The following TRABD2B variants were observed in gnomAD, a reference collection of about 807,000 sequenced individuals.
TRABD2B encodes the protein metalloprotease TIKI2.
A neutral mutation model predicts 40.1 loss-of-function variants in TRABD2B; 14 were observed. The observed-to-expected ratio is 0.35, with a 90% CI of 0.23 to 0.55. TRABD2B has a LOEUF of 0.55. Ranked by LOEUF, TRABD2B falls within the 20% of genes least tolerant of loss-of-function variation. TRABD2B has a pLI of 0.90. For missense variants in TRABD2B, 541 were observed against 648.6 expected, an observed-to-expected ratio of 0.83 and a Z score of 1.80; for synonymous variants, 263 against 277.0, an observed-to-expected ratio of 0.95 and a Z score of 0.50.
chr1:47,865,106 A>T (rs1387512787), intron 2 of TRABD2B, among the ~76,000 whole-genome samples: 1 of 152,150 alleles, frequency 6.6e-6, no homozygotes, highest in East Asian at 1.9e-4. Context: ...AGGAGGTTAC[A>T]AGTGGGTCCT....
At chr1:47,767,249 C>T (rs1414293355) in intron 6 of TRABD2B, among the ~76,000 whole-genome samples, 1 of 152,118 alleles carries the variant, frequency 6.6e-6, no homozygotes, top group African/African-American at 2.4e-5. Flanking sequence ...AGGCAGGAGG[C>T]AGACAGAGAT....
rs556630235 is a variant in TRABD2B, at chr1:47,831,078, G to A, written c.667-29459C>T. 6.7e-4 allele frequency among the ~76,000 whole-genome samples: 46 copies of A among 68,684 alleles called. No homozygotes were observed. In the South Asian group the frequency reaches 0.021, roughly 32 times the overall value. 45.1% of individuals were successfully genotyped at this position (68,684 alleles called of 152,430 possible). ...CCCTGATTCTGTCCTTGGTTGCCAC[G>A]TGTCCTCACCTTTGAAGAGTATAGG... On this transcript the variant is annotated intron_variant, in intron 2 of 6. Transcript: ENST00000606738.
At chr1:47,766,154 C>T (rs1309567919) in intron 6 of TRABD2B, 48 bp from the exon 7 acceptor site, 1 of 699,586 alleles carries the variant, frequency 1.4e-6, no homozygotes, top group Non-Finnish European at 2.6e-6. Context: ...CAGCCTCGTC[C>T]TGGGCAGAAG....
intron 2 of TRABD2B, among the ~76,000 whole-genome samples, chr1:47,850,201 G>A (rs1645529110): frequency 6.6e-6 from 1 of 152,228 alleles, no homozygotes; most frequent in Non-Finnish European, 1.5e-5. Flanking sequence ...CTTCTCACAG[G>A]AGCTGGCCCA....
chr1:47,970,904 A>T (rs1199656309), intron 2 of TRABD2B, among the ~76,000 whole-genome samples: 1 of 152,188 alleles, frequency 6.6e-6, no homozygotes, highest in East Asian at 1.9e-4. Flanking sequence ...CTCACTGGCC[A>T]AAGCAAGTGA....
At chr1:47,912,923 A>G (rs1644781943) in intron 2 of TRABD2B, among the ~76,000 whole-genome samples, 1 of 152,156 alleles carries the variant, frequency 6.6e-6, no homozygotes, top group African/African-American at 2.4e-5. Context: ...AGTTCTAGGA[A>G]GCAGCACAGG....
At chr1:47,989,130 C>T (rs552290281) in intron 2 of TRABD2B, among the ~76,000 whole-genome samples, 68 of 152,280 alleles carry the variant, frequency 4.5e-4, no homozygotes, top group African/African-American at 1.6e-3. Flanking sequence ...ACACAAAATC[C>T]GCTGGTACCT....
intron 2 of TRABD2B, among the ~76,000 whole-genome samples, chr1:47,987,855 G>A (rs1458395221): frequency 1.3e-5 from 2 of 152,274 alleles, no homozygotes; most frequent in Admixed American, 6.5e-5. Context: ...GGTGAAGGTC[G>A]CGCCAGAAGA....
chr1:47,991,033 A>C (rs558158921), intron 2 of TRABD2B, among the ~76,000 whole-genome samples: 1 of 151,654 alleles, frequency 6.6e-6, no homozygotes, highest in South Asian at 2.1e-4. Context: ...TCAAGTCCTA[A>C]AGGGGAGAGA....
chr1:47,931,263 T>TCCTA (rs1645036482), intron 2 of TRABD2B, among the ~76,000 whole-genome samples: 1 of 152,150 alleles, frequency 6.6e-6, no homozygotes, highest in South Asian at 2.1e-4. Context: ...AGCTTTGGAG[T>TCCTA]CCTAGATTGT....
At chr1:47,772,013 T>C (rs1186405971) in intron 6 of TRABD2B, among the ~76,000 whole-genome samples, 1 of 152,038 alleles carries the variant, frequency 6.6e-6, no homozygotes, top group Non-Finnish European at 1.5e-5. Flanking sequence ...GGACTCGCAG[T>C]CTGTGCTACT....
Position 47,810,867 on chromosome 1 carries a change from G to A in TRABD2B, c.667-9248C>T, listed in dbSNP as rs565513050. ...CTGGACCACGGCAACGCCAGGGAAGGAGGAGAAGGGTGGGCGGAGGTAAGA... is the reference window on the plus strand; with the variant it reads ...CTGGACCACGGCAACGCCAGGGAAGAAGGAGAAGGGTGGGCGGAGGTAAGA... On this transcript the variant is annotated intron_variant, in intron 2 of 6. Coordinates refer to ENST00000606738, the MANE Select transcript of TRABD2B (RefSeq NM_001194986.2). 3.3e-5 allele frequency among the ~76,000 whole-genome samples: 5 copies of A among 152,354 alleles called. No homozygotes were observed. The South Asian group carries it at 8.3e-4, about 25-fold the overall frequency.
intron 2 of TRABD2B, among the ~76,000 whole-genome samples, chr1:47,873,988 C>T (rs983354851): frequency 1.3e-5 from 2 of 152,160 alleles, no homozygotes; most frequent in African/African-American, 4.8e-5. Flanking sequence ...CTTGCTGTCA[C>T]TTGCCTCAAA....
chr1:47,840,991 C>A (rs2124484290), intron 2 of TRABD2B, among the ~76,000 whole-genome samples: 1 of 152,292 alleles, frequency 6.6e-6, no homozygotes, highest in Middle Eastern at 3.4e-3. Flanking sequence ...CTATTCAAAC[C>A]TGACAGTCTG....
At chr1:47,913,594 C>A (rs1046755250) in intron 2 of TRABD2B, among the ~76,000 whole-genome samples, 2 of 152,078 alleles carry the variant, frequency 1.3e-5, no homozygotes, top group Non-Finnish European at 2.9e-5. Flanking sequence ...CAGCACATAC[C>A]CAAGACAGGA....
At chr1:47,914,094 C>T (rs1295255541) in intron 2 of TRABD2B, among the ~76,000 whole-genome samples, 3 of 152,230 alleles carry the variant, frequency 2.0e-5, no homozygotes, top group African/African-American at 7.2e-5. Flanking sequence ...CCAATGTTCC[C>T]AAACACACCA....
At chr1:47,769,485 C>T (rs1644351026) in intron 6 of TRABD2B, among the ~76,000 whole-genome samples, 1 of 152,306 alleles carries the variant, frequency 6.6e-6, no homozygotes, top group African/African-American at 2.4e-5. Context: ...TGGCAGGAGT[C>T]CCAGAGAAAT....
chr1:47,777,113 T>C (rs1041624842), intron 5 of TRABD2B, among the ~76,000 whole-genome samples: 4 of 152,096 alleles, frequency 2.6e-5, no homozygotes, highest in African/African-American at 9.7e-5. Context: ...CTGAGATGAA[T>C]AGGAGGCTCG....
At chr1:47,852,790 A>G (rs1643834481) in intron 2 of TRABD2B, among the ~76,000 whole-genome samples, 1 of 152,032 alleles carries the variant, frequency 6.6e-6, no homozygotes, top group Non-Finnish European at 1.5e-5. Flanking sequence ...ATCCAAGCTC[A>G]TTTTCCCAAG....
Sources: allele counts gnomAD v4.1 joint callset (sites outside exome capture counted in the v4.1 genomes callset), GRCh38; gene constraint gnomAD v4.1.1; transcripts MANE v1.5; gene names NCBI Gene and HGNC (gene_info 2026-07-23, HGNC 2026-07-21).